Variants in CCDC3 observed in about 807,000 individuals in gnomAD.
The protein encoded by CCDC3 is coiled-coil domain-containing protein 3.
CCDC3 carries 24 observed loss-of-function variants against 21.4 expected under a neutral mutation model. The observed-to-expected ratio is 1.12, with a 90% CI of 0.81 to 1.58. The LOEUF (loss-of-function observed/expected upper bound fraction) is 1.58, where lower values mean the gene tolerates loss of function less well. Among genes scored for constraint, CCDC3 ranks in the 40% most tolerant of loss-of-function variants. The pLI, the probability that CCDC3 is intolerant of heterozygous loss-of-function variation, is 0.00. For synonymous variants in CCDC3, 186 were observed against 166.0 expected (o/e 1.12, Z -0.93); for missense variants, 425 against 360.9 (o/e 1.18, Z -1.44).
intron 3 of CCDC3, among the ~76,000 whole-genome samples, chr10:13,088,374 C>T (rs538796695): frequency 5.3e-5 from 8 of 152,200 alleles, no homozygotes; most frequent in African/African-American, 9.6e-5. Context: ...GAAAAGGAAA[C>T]GTGAATTGAG....
At chr10:13,052,938 TCACACACACACACACACACACACACA>T (rs56261341) in intron 4 of CCDC3, among the ~76,000 whole-genome samples, 42 of 134,436 alleles carry the variant, frequency 3.1e-4, no homozygotes, top group African/African-American at 1.0e-3. Flanking sequence ...TGAGACTCTG[TCACACACACACACACACACACACACA>T]CACACACACA....
In CCDC3 at chr10:12,930,874, G is replaced by C. The variant is rs564028373; in HGVS notation, c.550-32195C>G. ...CACAGGAGGGGCTTTGGAGATGTCT[G>C]TCCCAGGCTCTGGTCCAAACTTCAC... On this transcript the variant is annotated intron_variant, in intron 2 of 2. Transcript: ENST00000378825. Among the ~76,000 whole-genome samples the C allele has an allele frequency of 1.1e-4, 16 of 152,266 alleles. No homozygotes were observed. The South Asian group carries it at 3.3e-3, about 32-fold the overall frequency.
At position 13,001,439 on chromosome 10, in the gene CCDC3, C is replaced by A. The variant is rs376876298; in HGVS notation, c.132G>T (p.Val44=). The A allele has an allele frequency of 6.6e-7, 1 of 1,512,534 alleles. No individual in the cohort carries two copies. Among genetic ancestry groups the A allele is most frequent in the Non-Finnish European group, 8.9e-7 (1 of 1,128,132 alleles). 93.7% of individuals were successfully genotyped at this position (1,512,534 alleles called of 1,614,324 possible). The change falls in exon 1 of 3, where the codon GTG becomes GTT. Residue 44 remains valine, a synonymous_variant. Coordinates refer to ENST00000378825, the MANE Select transcript of CCDC3 (RefSeq NM_031455.4). Reference sequence around the variant, plus strand: ...GGTGCAGCGCCAGCACCCTGGCGTACACGATGGTCTCGGCCAGCTCGGCGC... The same window carrying A: ...GGTGCAGCGCCAGCACCCTGGCGTAAACGATGGTCTCGGCCAGCTCGGCGC... ...GCRAELAETI[V]YARVLALHPE...
intron 4 of CCDC3, among the ~76,000 whole-genome samples, chr10:13,066,716 G>A (rs1349231089): frequency 4.6e-5 from 7 of 152,178 alleles, no homozygotes; most frequent in Non-Finnish European, 8.8e-5. Flanking sequence ...CCAGGGCCTC[G>A]TCTGAGCCTG....
At position 12,931,646 on chromosome 10, in the gene CCDC3, A is replaced by G. The variant is rs1208660125; in HGVS notation, c.550-32967T>C. Among the ~76,000 whole-genome samples the G allele has an allele frequency of 2.6e-5, 4 of 152,372 alleles. No homozygotes were observed. In the South Asian group the frequency reaches 8.3e-4, roughly 32 times the overall value. On this transcript the variant is annotated intron_variant, in intron 2 of 2. Transcript: ENST00000378825. ...TGAGAGTCATTCCTGCAGGTCACCT[A>G]AAGTTTTCTTCCTGTTGCCCTTCTG...
Position 12,909,732 on chromosome 10 carries a change from T to A in CCDC3, c.550-11053A>T, listed in dbSNP as rs1209371000. ...GTACCAGGTCTCCCAAGGAGGGGGA[T>A]CCTAGACAGGCACTGACCCAAAGCC... On this transcript the variant is annotated intron_variant, in intron 2 of 2. Transcript: ENST00000378825. Among the ~76,000 whole-genome samples, 3 of 152,122 alleles carry A rather than the reference T, an allele frequency of 2.0e-5. No individual in the cohort carries two copies. The East Asian group carries it at 5.8e-4, about 29-fold the overall frequency.
At chr10:13,091,882 A>T (rs1371452568) in intron 3 of CCDC3, among the ~76,000 whole-genome samples, 2 of 151,728 alleles carry the variant, frequency 1.3e-5, no homozygotes, top group African/African-American at 4.8e-5. Context: ...TTTGGCAGAC[A>T]AGGTTTTTAT....
At chr10:13,087,601 T>C (rs1361374961) in intron 3 of CCDC3, among the ~76,000 whole-genome samples, 1 of 151,962 alleles carries the variant, frequency 6.6e-6, no homozygotes, top group Non-Finnish European at 1.5e-5. Flanking sequence ...AGAAGGGCTA[T>C]GGAAGTCTGG....
At chr10:13,049,894 A>G (rs539763013) in exon 5 of CCDC3, 16 of 152,296 alleles carry the variant, frequency 1.1e-4, no homozygotes, top group African/African-American at 3.6e-4. Context: ...CCAATTTCCC[A>G]AGAAAAAGAA....
At chr10:13,095,757 C>A (rs1025237779) in intron 3 of CCDC3, among the ~76,000 whole-genome samples, 11 of 152,262 alleles carry the variant, frequency 7.2e-5, no homozygotes, top group African/African-American at 2.2e-4. Flanking sequence ...GTTTGTACAG[C>A]TCTATTGAGG....
At chr10:13,017,307 A>C (rs1836077125) in intron 5 of CCDC3, among the ~76,000 whole-genome samples, 1 of 151,930 alleles carries the variant, frequency 6.6e-6, no homozygotes, top group East Asian at 1.9e-4. Flanking sequence ...ACCTGAGATC[A>C]AGAGTTTGCA....
At chr10:13,093,210 AG>A (rs1162837701) in intron 3 of CCDC3, among the ~76,000 whole-genome samples, 1 of 152,160 alleles carries the variant, frequency 6.6e-6, no homozygotes, top group Non-Finnish European at 1.5e-5. Flanking sequence ...GTGGCTGGGG[AG>A]GCCTCACAAT....
At chr10:13,089,339 A>C (rs1192022992) in intron 3 of CCDC3, among the ~76,000 whole-genome samples, 1 of 152,208 alleles carries the variant, frequency 6.6e-6, no homozygotes, top group African/African-American at 2.4e-5. Context: ...TGAATTCTTT[A>C]TATGAATCAT....
rs1834980840 is a variant in CCDC3 at position 12,949,726 on chromosome 10, T to TG, written c.549+48611_549+48612insC. Reference sequence around the variant, plus strand: ...TGGCCTGGCTCTTTTCAGGAGATCCTATCAGATCCTGAAGCAAAAGACTAT... The same window carrying TG: ...TGGCCTGGCTCTTTTCAGGAGATCCTGATCAGATCCTGAAGCAAAAGACTAT... On this transcript the variant is annotated intron_variant, in intron 2 of 2. Coordinates refer to ENST00000378825, the MANE Select transcript of CCDC3 (RefSeq NM_031455.4). 2.0e-5 allele frequency among the ~76,000 whole-genome samples: 3 copies of TG among 152,356 alleles called. No individual in the cohort carries two copies. In the South Asian group the frequency reaches 6.2e-4, roughly 32 times the overall value.
At chr10:12,915,487 T>A (rs1834338518) in intron 2 of CCDC3, among the ~76,000 whole-genome samples, 1 of 152,216 alleles carries the variant, frequency 6.6e-6, no homozygotes, top group African/African-American at 2.4e-5. Context: ...AATCTCTGTA[T>A]CTTTAGAGTC....
At chr10:12,946,700 T>C (rs1347801012) in intron 2 of CCDC3, among the ~76,000 whole-genome samples, 3 of 152,326 alleles carry the variant, frequency 2.0e-5, no homozygotes, top group Non-Finnish European at 2.9e-5. Flanking sequence ...ACAGGTATTG[T>C]ATTTCACCAT....
intron 4 of CCDC3, among the ~76,000 whole-genome samples, chr10:13,066,618 A>G (rs916273209): frequency 2.6e-5 from 4 of 152,364 alleles, no homozygotes; most frequent in South Asian, 4.1e-4. Flanking sequence ...CCAAATGCCT[A>G]GGCAGATAAA....
chr10:13,075,421 T>C (rs990551788), intron 3 of CCDC3, among the ~76,000 whole-genome samples: 1 of 145,854 alleles, frequency 6.9e-6, no homozygotes, highest in Non-Finnish European at 1.5e-5. Flanking sequence ...GATATTCCTA[T>C]TTTCATCAGA....
At chr10:12,959,174 C>CTT (rs34149625) in intron 2 of CCDC3, among the ~76,000 whole-genome samples, 126,511 of 148,224 alleles carry the variant, frequency 0.85, 55,101 homozygotes, top group East Asian at 0.99. Context: ...AAGCTACAAT[C>CTT]TTTTTTTTTT....
Sources: gnomAD v4.1 joint callset for allele counts (sites outside exome capture counted in the v4.1 genomes callset) on GRCh38, gnomAD v4.1.1 for gene constraint, MANE v1.5 for transcripts, NCBI Gene and HGNC (gene_info 2026-07-23, HGNC 2026-07-21) for gene names.